TMEM131: variants seen among roughly 807,000 people sequenced by gnomAD.
TMEM131 encodes 2610524E03Rik.
A neutral mutation model predicts 211.6 loss-of-function variants in TMEM131; 66 were observed. The ratio of observed to expected loss-of-function variants is 0.31; its 90% CI spans 0.26 to 0.38. TMEM131 has a LOEUF of 0.38. TMEM131 is among the 10% of genes least tolerant of loss of function. TMEM131 has a pLI of 1.00. For missense variants in TMEM131, 2,036 were observed against 2,299.3 expected, an observed-to-expected ratio of 0.89 and a Z score of 2.34; for synonymous variants, 844 against 841.3, an observed-to-expected ratio of 1.00 and a Z score of -0.06.
At chr2:97,830,541 T>G (rs2044459) in intron 11 of TMEM131, among the ~76,000 whole-genome samples, 1 of 152,064 alleles carries the variant, frequency 6.6e-6, no homozygotes, top group Non-Finnish European at 1.5e-5. Context: ...AAAAGCACTT[T>G]CAGCATTTAA....
chr2:97,842,628 G>A (rs920725006), intron 6 of TMEM131, among the ~76,000 whole-genome samples: 77 of 152,168 alleles, frequency 5.1e-4, no homozygotes, highest in African/African-American at 1.8e-3. Flanking sequence ...GAAGACAGCA[G>A]TGGTAGTGAG....
intron 40 of TMEM131, 100 bp downstream of exon 40, chr2:97,758,793 T>A (rs144404290): frequency 0.013 from 19,278 of 1,455,978 alleles, 204 homozygotes; most frequent in South Asian, 0.026. Context: ...TGCTGCTGTT[T>A]GTTGTTTATA....
chr2:97,994,105 A>G (rs1426429832), intron 1 of TMEM131, among the ~76,000 whole-genome samples: 2 of 152,208 alleles, frequency 1.3e-5, no homozygotes, highest in Non-Finnish European at 2.9e-5. Flanking sequence ...TGTCCATTAA[A>G]TTACTGCACT....
intron 4 of TMEM131, among the ~76,000 whole-genome samples, chr2:97,882,436 A>T (rs1573504568): frequency 6.6e-6 from 1 of 152,346 alleles, no homozygotes; most frequent in Admixed American, 6.5e-5. Flanking sequence ...AAAAACGATT[A>T]TTCTAGGTGA....
In TMEM131 at chr2:97,805,534, A is replaced by G; in HGVS notation, c.2208+17T>C. ...AATGTTAACCAATGGGAATTCTCAA[A>G]TATAATATCTTCAAACCTTTGATTT... On this transcript the variant is annotated intron_variant, in intron 20 of 40. Coordinates refer to ENST00000186436, the MANE Select transcript of TMEM131 (RefSeq NM_015348.2). 2 of 1,609,838 alleles carry G rather than the reference A, an allele frequency of 1.2e-6. No homozygotes were observed. The highest frequency in any genetic ancestry group is 1.7e-6 in the Non-Finnish European group (2 of 1,176,940).
At chr2:97,949,188 A>C (rs887846181) in intron 1 of TMEM131, among the ~76,000 whole-genome samples, 5 of 152,198 alleles carry the variant, frequency 3.3e-5, no homozygotes, top group Non-Finnish European at 7.4e-5. Flanking sequence ...TGCAGTACTA[A>C]AACAGTCAAA....
chr2:97,767,078 T>A (rs1276196917), intron 33 of TMEM131, among the ~76,000 whole-genome samples: 1 of 152,114 alleles, frequency 6.6e-6, no homozygotes, highest in Non-Finnish European at 1.5e-5. Flanking sequence ...ACTGAACAAA[T>A]TTTTCTCATA....
At chr2:97,875,299 G>C (rs932694278) in intron 4 of TMEM131, among the ~76,000 whole-genome samples, 2 of 152,114 alleles carry the variant, frequency 1.3e-5, no homozygotes, top group African/African-American at 2.4e-5. Context: ...GTCCGTATTA[G>C]ACAGATCAAC....
rs1466042825 is a variant in TMEM131, at chr2:97,756,742, AATT to A, written c.*354_*356del. ...ATGCCAGGATTTCTGAATCAACTCA[AATT>A]ATTTCCTTAGCTGTAATGTCAAATC... is the stretch of plus-strand genomic sequence containing the variant. On this transcript the variant is annotated 3_prime_UTR_variant, in exon 41 of 41. Transcript: ENST00000186436. The A allele has an allele frequency of 3.9e-4, 65 of 166,984 alleles. No homozygotes were observed. The highest frequency in any genetic ancestry group is 1.5e-3 in the African/African-American group (64 of 42,210). The allele number at this position is 166,984 out of a possible 1,614,324, so 10.3% of individuals were successfully genotyped here. A position where few individuals can be genotyped will look rare whatever the true frequency, so the allele number is the denominator to read the frequency against.
At chr2:97,977,632 G>C (rs1679599996) in intron 1 of TMEM131, among the ~76,000 whole-genome samples, 1 of 152,158 alleles carries the variant, frequency 6.6e-6, no homozygotes. Flanking sequence ...ATCTAAGAAA[G>C]TATATATCTT....
At chr2:97,953,525 T>C (rs982854374) in intron 1 of TMEM131, among the ~76,000 whole-genome samples, 2 of 150,410 alleles carry the variant, frequency 1.3e-5, no homozygotes, top group Non-Finnish European at 1.5e-5. Context: ...AACAACAGAG[T>C]TGCAAAATAA....
rs748046237 is a variant in TMEM131, at chr2:97,772,318, ATTTC to A, written c.4423_4426del (p.Glu1475SerfsTer5). 1 of 1,602,612 alleles carries A rather than the reference ATTTC, an allele frequency of 6.2e-7. No individual in the cohort carries two copies. The highest frequency in any genetic ancestry group is 8.5e-7 in the Non-Finnish European group (1 of 1,177,392). On this transcript the variant is annotated frameshift_variant, in exon 33 of 41. Coordinates refer to ENST00000186436, the MANE Select transcript of TMEM131 (RefSeq NM_015348.2). LOFTEE classifies it high-confidence loss of function. ...TCACCTGGGTTTCACATCTGTTGGG[ATTTC>A]TTTCTTAATATTTAAGAGTTTTTTG... is the stretch of plus-strand genomic sequence containing the variant.
intron 1 of TMEM131, among the ~76,000 whole-genome samples, chr2:97,933,428 C>T (rs1450377104): frequency 2.0e-5 from 3 of 151,954 alleles, no homozygotes; most frequent in East Asian, 1.9e-4. Context: ...AGCAAATTCA[C>T]GGGGACAGAA....
rs1041580765 is a variant in TMEM131, at chr2:97,784,702, G to A, written c.4144+7684C>T. 2.0e-5 allele frequency among the ~76,000 whole-genome samples: 3 copies of A among 151,904 alleles called. No homozygotes were observed. In the East Asian group the frequency reaches 5.8e-4, roughly 29 times the overall value. On this transcript the variant is annotated intron_variant, in intron 31 of 40. Transcript: ENST00000186436. ...TCCACTTTACATAACTAAAAAAAGA[G>A]CAGAAAAATAAATCTAAAGTAAGCA...
intron 1 of TMEM131, among the ~76,000 whole-genome samples, chr2:97,959,010 G>A (rs937181950): frequency 2.0e-5 from 3 of 152,212 alleles, no homozygotes; most frequent in Admixed American, 6.5e-5. Flanking sequence ...CTATCCCACA[G>A]AGAAAAGAAG....
At chr2:97,923,627 TTAAAAA>T (rs146572256) in intron 2 of TMEM131, among the ~76,000 whole-genome samples, 24,450 of 99,324 alleles carry the variant, frequency 0.25, 2,667 homozygotes, top group Middle Eastern at 0.36. Flanking sequence ...GTCTTTTTTT[TTAAAAA>T]AAAAAAAAAA....
At chr2:97,863,497 T>C (rs1297882430) in intron 4 of TMEM131, among the ~76,000 whole-genome samples, 3 of 152,110 alleles carry the variant, frequency 2.0e-5, no homozygotes, top group Non-Finnish European at 4.4e-5. Context: ...AAACTACCTA[T>C]TTGACAAGGG....
intron 7 of TMEM131, among the ~76,000 whole-genome samples, chr2:97,838,426 CTTTTTT>C (rs753635047): frequency 1.1e-4 from 10 of 89,092 alleles, no homozygotes; most frequent in East Asian, 1.0e-3. Flanking sequence ...TAAGCTTAAA[CTTTTTT>C]TTTTTTTTTT....
chr2:97,949,509 A>G (rs1027162323), intron 1 of TMEM131, among the ~76,000 whole-genome samples: 2 of 152,172 alleles, frequency 1.3e-5, no homozygotes, highest in African/African-American at 4.8e-5. Context: ...TTATACCTCA[A>G]TAAATCTGTT....
Sources: allele counts gnomAD v4.1 joint callset (sites outside exome capture counted in the v4.1 genomes callset), GRCh38; gene constraint gnomAD v4.1.1; transcripts MANE v1.5; gene names NCBI Gene and HGNC (gene_info 2026-07-23, HGNC 2026-07-21).